The following FRMPD1 variants were observed in gnomAD, a reference collection of about 807,000 sequenced individuals.
The protein encoded by FRMPD1 is FERM and PDZ domain containing 1, also known as FERM and PDZ domain-containing protein 1.
In FRMPD1, 76 loss-of-function variants were observed where a neutral mutation model predicts 117.8. The observed-to-expected ratio is 0.65, with a 90% CI of 0.54 to 0.78. The LOEUF (loss-of-function observed/expected upper bound fraction) is 0.78. Among genes scored for constraint, FRMPD1 ranks in the 30% least tolerant of loss-of-function variants. The pLI is 0.00. For synonymous variants in FRMPD1, 783 were observed against 770.4 expected (o/e 1.02, Z -0.27); for missense variants, 1,786 against 1,964.5 (o/e 0.91, Z 1.72).
At chr9:37,698,719 A>G (rs1008746836) in intron 2 of FRMPD1, among the ~76,000 whole-genome samples, 4 of 149,982 alleles carry the variant, frequency 2.7e-5, no homozygotes, top group African/African-American at 9.9e-5. Context: ...GCGCCACCAC[A>G]CCTGGCTAAT....
chr9:37,737,267 A>G lies in FRMPD1; in HGVS notation c.1549+24A>G, dbSNP rs752322063. On this transcript the variant is annotated intron_variant, in intron 14 of 15. Transcript: ENST00000377765. ...AGGTGAGGCACTGAGTCTTGCCCCA[A>G]TAAGGACAGGCCCCTTTCACTGGCC... The G allele has an allele frequency of 4.5e-5, 73 of 1,612,880 alleles. No homozygotes were observed. In the Middle Eastern group the frequency reaches 8.3e-4, roughly 18 times the overall value.
chr9:37,705,851 C>T (rs1304038339), intron 2 of FRMPD1, among the ~76,000 whole-genome samples: 1 of 151,780 alleles, frequency 6.6e-6, no homozygotes, highest in Non-Finnish European at 1.5e-5. Context: ...GTAGCACGAG[C>T]CTGTAGTCCC....
chr9:37,629,507 G>A, the FRMPD1 span, among the ~76,000 whole-genome samples: 41 of 152,172 alleles, frequency 2.7e-4, no homozygotes, highest in Admixed American at 8.5e-4. Flanking sequence ...CTAGATGACC[G>A]ATTGTAGGCA....
intron 1 of FRMPD1, among the ~76,000 whole-genome samples, chr9:37,690,840 C>T (rs1431382732): frequency 6.6e-6 from 1 of 152,158 alleles, no homozygotes; most frequent in Non-Finnish European, 1.5e-5. Flanking sequence ...GGCCTTCTTG[C>T]TGTATCATCC....
Position 37,745,298 on chromosome 9 carries a change from T to TA in FRMPD1, c.3269dup (p.Asn1090LysfsTer41). The TA allele has an allele frequency of 6.2e-7, 1 of 1,611,646 alleles. No individual in the cohort carries two copies. Among genetic ancestry groups the TA allele is most frequent in the Non-Finnish European group, 8.5e-7 (1 of 1,177,794 alleles). On this transcript the variant is annotated frameshift_variant, in exon 16 of 16. Coordinates refer to ENST00000377765, the MANE Select transcript of FRMPD1 (RefSeq NM_014907.3). LOFTEE classifies it low-confidence loss of function (END_TRUNC). ...GAGCCTAGAAGTGATGAATGTGGAATAAATCCAGGAGAGAAGATAGCTTCT... is the reference window on the plus strand; with the variant it reads ...GAGCCTAGAAGTGATGAATGTGGAATAAAATCCAGGAGAGAAGATAGCTTCT...
At chr9:37,614,676 A>G in the FRMPD1 span, among the ~76,000 whole-genome samples, 1 of 152,242 alleles carries the variant, frequency 6.6e-6, no homozygotes, top group African/African-American at 2.4e-5. Context: ...GCTAATGTAC[A>G]TAACCAGGAT....
chr9:37,724,364 C>A, intron 7 of FRMPD1, 44 bp downstream of exon 7: 1 of 1,081,006 alleles, frequency 9.3e-7, no homozygotes, highest in Non-Finnish European at 1.4e-6. Context: ...GAAGAATGTT[C>A]TGGCTGCTAG....
the FRMPD1 span, among the ~76,000 whole-genome samples, chr9:37,629,270 C>G: frequency 9.9e-4 from 151 of 152,318 alleles, no homozygotes; most frequent in African/African-American, 3.1e-3. Context: ...TTAACAAACC[C>G]TGCTGATAAT....
intron 3 of FRMPD1, among the ~76,000 whole-genome samples, chr9:37,707,981 G>C (rs1822774998): frequency 6.6e-6 from 1 of 152,198 alleles, no homozygotes; most frequent in Non-Finnish European, 1.5e-5. Flanking sequence ...GCTGTACCAG[G>C]GTGGAGAGGA....
At chr9:37,733,448 C>T (rs761504225) in intron 10 of FRMPD1, 25 bp from the exon 11 acceptor site, 2 of 1,607,972 alleles carry the variant, frequency 1.2e-6, no homozygotes, top group South Asian at 2.2e-5. Flanking sequence ...AAATGGGCCT[C>T]CTTGTCTCCA....
At chr9:37,626,500 CAAA>C in the FRMPD1 span, among the ~76,000 whole-genome samples, 86 of 87,262 alleles carry the variant, frequency 9.9e-4, no homozygotes, top group Admixed American at 2.7e-3. Flanking sequence ...GACTTAGTCT[CAAA>C]AAAAAAAAAA....
At chr9:37,680,502 A>G (rs1319866866) in intron 1 of FRMPD1, among the ~76,000 whole-genome samples, 20 of 152,218 alleles carry the variant, frequency 1.3e-4, no homozygotes, top group Admixed American at 1.2e-3. Flanking sequence ...TACGCAGACC[A>G]TGTTTTGCAG....
chr9:37,707,194 G>T (rs780721875), intron 2 of FRMPD1, among the ~76,000 whole-genome samples: 4 of 152,156 alleles, frequency 2.6e-5, no homozygotes, highest in African/African-American at 9.7e-5. Context: ...GCGCTTTCTA[G>T]ATATTTAGCA....
Position 37,724,335 on chromosome 9 carries a change from C to T in FRMPD1, c.612+15C>T. On this transcript the variant is annotated intron_variant, in intron 7 of 15. Coordinates refer to ENST00000377765, the MANE Select transcript of FRMPD1 (RefSeq NM_014907.3). ...CAACCGTGAAGGTATTAAGAATAAA[C>T]TTGAACTTCTTTTCCCAAGAAGAAT... 7 of 1,342,956 alleles carry T rather than the reference C, an allele frequency of 5.2e-6. No individual in the cohort carries two copies. Among genetic ancestry groups the T allele is most frequent in the Non-Finnish European group, 7.5e-6 (7 of 933,576 alleles). 83.2% of individuals were successfully genotyped at this position (1,342,956 alleles called of 1,614,324 possible). A position where few individuals can be genotyped will look rare whatever the true frequency, so the allele number is the denominator to read the frequency against.
chr9:37,707,293 CAA>C (rs1231297647), intron 2 of FRMPD1, 121 bp from the exon 3 acceptor site: 1 of 703,972 alleles, frequency 1.4e-6, no homozygotes, highest in Non-Finnish European at 2.3e-6. Context: ...TTATTTGTCT[CAA>C]GAGGAGAATT....
At chr9:37,720,492 ATC>A (rs1416077450) in intron 6 of FRMPD1, among the ~76,000 whole-genome samples, 1 of 152,070 alleles carries the variant, frequency 6.6e-6, no homozygotes, top group Non-Finnish European at 1.5e-5. Context: ...GCGAAACCCC[ATC>A]TCTATTAAAA....
In FRMPD1 at chr9:37,657,438, C is replaced by T. The variant is rs1056861451; in HGVS notation, c.-5+6344C>T. 2.0e-5 allele frequency among the ~76,000 whole-genome samples: 3 copies of T among 152,352 alleles called. No homozygotes were observed. In the East Asian group the frequency reaches 5.8e-4, roughly 29 times the overall value. On this transcript the variant is annotated intron_variant, in intron 1 of 15. Transcript: ENST00000377765. ...CTTATAAAAATAATTTATTTAGTAG[C>T]TGCAGTCTCTGTTCTCTCTGGCTTT...
At chr9:37,735,010 G>T (rs548456529) in intron 12 of FRMPD1, among the ~76,000 whole-genome samples, 10 of 152,326 alleles carry the variant, frequency 6.6e-5, no homozygotes, top group African/African-American at 2.4e-4. Context: ...GGCACTGCGG[G>T]TTACAAATAG....
chr9:37,637,963 G>GCTTGCTTGCTTTCTTTCTTT, the FRMPD1 span, among the ~76,000 whole-genome samples: 1 of 100,030 alleles, frequency 1.0e-5, no homozygotes, highest in African/African-American at 3.8e-5. Flanking sequence ...AATGGTGTAT[G>GCTTGCTTGCTTTCTTTCTTT]CTTTCTTTCT....
Sources: gnomAD v4.1 joint callset for allele counts (sites outside exome capture counted in the v4.1 genomes callset) on GRCh38, gnomAD v4.1.1 for gene constraint, MANE v1.5 for transcripts, NCBI Gene and HGNC (gene_info 2026-07-23, HGNC 2026-07-21) for gene names.